Variants in GDPD1 observed in about 807,000 individuals in gnomAD.
The protein encoded by GDPD1 is lysophospholipase D GDPD1.
GDPD1 carries 28 observed loss-of-function variants against 45.1 expected under a neutral mutation model. That is an observed-to-expected ratio of 0.62 (90% CI 0.46 to 0.85). The LOEUF (loss-of-function observed/expected upper bound fraction) is 0.85, where lower values mean the gene tolerates loss of function less well. Among genes scored for constraint, GDPD1 ranks in the 40% least tolerant of loss-of-function variants. GDPD1 has a pLI of 0.00. For missense variants in GDPD1, 256 were observed against 364.8 expected, an observed-to-expected ratio of 0.70 and a Z score of 2.43; for synonymous variants, 139 against 131.4, an observed-to-expected ratio of 1.06 and a Z score of -0.40.
chr17:59,264,724 A>G (rs1404542734), intron 6 of GDPD1, among the ~76,000 whole-genome samples: 1 of 152,230 alleles, frequency 6.6e-6, no homozygotes, highest in East Asian at 1.9e-4. Flanking sequence ...GTATGTAAGT[A>G]AGCCAAGAAC....
intron 4 of GDPD1, among the ~76,000 whole-genome samples, chr17:59,254,360 CAAAAAAAAAA>C (rs1198335465): frequency 1.6e-5 from 1 of 62,168 alleles, no homozygotes; most frequent in Non-Finnish European, 3.5e-5. Context: ...GACTCCGTCT[CAAAAAAAAAA>C]AAAAAAAAAG....
chr17:59,221,992 T>C (rs2147870000), intron 1 of GDPD1, among the ~76,000 whole-genome samples: 1 of 152,296 alleles, frequency 6.6e-6, no homozygotes, highest in East Asian at 1.9e-4. Flanking sequence ...TTCCCACTCA[T>C]GAAAAGCCTC....
Position 59,273,782 on chromosome 17 carries a change from G to C in GDPD1, c.*9G>C, listed in dbSNP as rs1405376515. On this transcript the variant is annotated 3_prime_UTR_variant, in exon 10 of 10. Transcript: ENST00000284116. ...ATAACTTTTCAGCATAGAAAAAGAG[G>C]TACTTAGAAGTATTGAAGGAAAAAA... is the stretch of plus-strand genomic sequence containing the variant. The C allele has an allele frequency of 9.7e-6, 15 of 1,545,912 alleles. No individual in the cohort carries two copies. The highest frequency in any genetic ancestry group is 1.3e-5 in the Non-Finnish European group (15 of 1,150,548).
intron 2 of GDPD1, among the ~76,000 whole-genome samples, chr17:59,236,797 A>G (rs1215416051): frequency 6.6e-6 from 1 of 152,108 alleles, no homozygotes; most frequent in Non-Finnish European, 1.5e-5. Flanking sequence ...GGCGTGAGCC[A>G]CCGCACCCAA....
intron 1 of GDPD1, among the ~76,000 whole-genome samples, chr17:59,228,980 T>C (rs2047068034): frequency 6.6e-6 from 1 of 151,604 alleles, no homozygotes. Flanking sequence ...TAAAAAAAAA[T>C]TCAAAATACA....
intron 2 of GDPD1, among the ~76,000 whole-genome samples, chr17:59,242,040 GATAAT>G (rs2047179375): frequency 6.6e-6 from 1 of 152,096 alleles, no homozygotes; most frequent in Non-Finnish European, 1.5e-5. Flanking sequence ...GTAGATAAGA[GATAAT>G]ATATTCTGGG....
At chr17:59,225,191 A>T (rs1291959702) in intron 1 of GDPD1, among the ~76,000 whole-genome samples, 1 of 148,428 alleles carries the variant, frequency 6.7e-6, no homozygotes, top group Admixed American at 6.9e-5. Flanking sequence ...TCCCAGGTTC[A>T]AGTAATCCTG....
chr17:59,227,080 A>C (rs1282854476), intron 1 of GDPD1, among the ~76,000 whole-genome samples: 1 of 151,920 alleles, frequency 6.6e-6, no homozygotes, highest in African/African-American at 2.4e-5. Context: ...TTTCCAAAGT[A>C]TTTTTCTGTA....
At chr17:59,270,391 G>T (rs77369847) in intron 7 of GDPD1, among the ~76,000 whole-genome samples, 6 of 151,474 alleles carry the variant, frequency 4.0e-5, no homozygotes, top group Admixed American at 2.6e-4. Flanking sequence ...ACGGGGGGGG[G>T]TTTCACTATG....
At chr17:59,225,167 C>T (rs2047038517) in intron 1 of GDPD1, among the ~76,000 whole-genome samples, 1 of 147,078 alleles carries the variant, frequency 6.8e-6, no homozygotes, top group East Asian at 2.0e-4. Flanking sequence ...TCTCGGCTCA[C>T]TGCAACCTCC....
At chr17:59,228,408 G>T (rs1270577531) in intron 1 of GDPD1, among the ~76,000 whole-genome samples, 1 of 152,088 alleles carries the variant, frequency 6.6e-6, no homozygotes, top group Non-Finnish European at 1.5e-5. Context: ...TCATGGGAAT[G>T]GGAGGAGAGA....
chr17:59,241,114 C>A (rs143441935), intron 2 of GDPD1, among the ~76,000 whole-genome samples: 3 of 152,240 alleles, frequency 2.0e-5, no homozygotes, highest in African/African-American at 7.2e-5. Flanking sequence ...GTTTAAATAC[C>A]ATCTAGATTT....
chr17:59,270,839 T>G (rs1183094086), intron 7 of GDPD1, 97 bp from the exon 8 acceptor site: 2 of 773,258 alleles, frequency 2.6e-6, no homozygotes, highest in Non-Finnish European at 4.3e-6. Flanking sequence ...ATATACAAAG[T>G]ACAAGGCACT....
intron 1 of GDPD1, among the ~76,000 whole-genome samples, chr17:59,228,282 A>G (rs920608526): frequency 4.6e-5 from 7 of 152,162 alleles, no homozygotes; most frequent in African/African-American, 1.7e-4. Flanking sequence ...AGGTCACACA[A>G]TTATTAAACA....
At chr17:59,230,744 TC>T (rs2047083114) in intron 1 of GDPD1, among the ~76,000 whole-genome samples, 1 of 152,128 alleles carries the variant, frequency 6.6e-6, no homozygotes, top group African/African-American at 2.4e-5. Context: ...GTGATTAGCA[TC>T]TGCTGGTCAC....
At chr17:59,240,104 A>G (rs1342278116) in intron 2 of GDPD1, among the ~76,000 whole-genome samples, 1 of 152,106 alleles carries the variant, frequency 6.6e-6, no homozygotes, top group Non-Finnish European at 1.5e-5. Flanking sequence ...CAGCCTGTCC[A>G]ATGTGGTGAA....
intron 3 of GDPD1, among the ~76,000 whole-genome samples, chr17:59,248,532 T>C (rs930396376): frequency 6.6e-6 from 1 of 152,112 alleles, no homozygotes; most frequent in African/African-American, 2.4e-5. Context: ...AAAAGGTCTA[T>C]ATTAAATAGT....
At position 59,224,639 on chromosome 17, in the gene GDPD1, AC is replaced by A. The variant is rs1369125036; in HGVS notation, c.142+3889del. 5.3e-3 allele frequency among the ~76,000 whole-genome samples: 769 copies of A among 144,156 alleles called. 4 individuals are homozygous for A. Among genetic ancestry groups the A allele is most frequent in the Non-Finnish European group, 7.7e-3 (498 of 64,808 alleles). The allele number at this position is 144,156 out of a possible 152,430, so 94.6% of individuals were successfully genotyped here. On this transcript the variant is annotated intron_variant, in intron 1 of 9. Transcript: ENST00000284116. ...GACTCCATCTCAAAAAAAAAAAAAA[AC>A]AAAAAACAAAAACAAAAAAAACTAC...
chr17:59,239,077 G>A (rs981454871), intron 2 of GDPD1, among the ~76,000 whole-genome samples: 1 of 152,194 alleles, frequency 6.6e-6, no homozygotes, highest in Non-Finnish European at 1.5e-5. Context: ...GGAATGGTAA[G>A]GAGAAAGAAG....
Sources: gnomAD v4.1 joint callset for allele counts (sites outside exome capture counted in the v4.1 genomes callset) on GRCh38, gnomAD v4.1.1 for gene constraint, MANE v1.5 for transcripts, NCBI Gene and HGNC (gene_info 2026-07-23, HGNC 2026-07-21) for gene names.